MTBP: variants seen among roughly 807,000 people sequenced by gnomAD.
MTBP encodes mdm2-binding protein.
Under a neutral mutation model 117.0 loss-of-function variants are expected in MTBP, and 101 were observed. The observed-to-expected ratio is 0.86, with a 90% CI of 0.73 to 1.02. The LOEUF (loss-of-function observed/expected upper bound fraction) is 1.02. Among genes scored for constraint, MTBP ranks in the 50% least tolerant of loss-of-function variants. The pLI, the probability that MTBP is intolerant of heterozygous loss-of-function variation, is 0.00. For missense variants in MTBP, 970 were observed against 1,030.9 expected, an observed-to-expected ratio of 0.94 and a Z score of 0.81; for synonymous variants, 350 against 351.5, an observed-to-expected ratio of 1.00 and a Z score of 0.05.
chr8:120,469,207 G>C (rs530232221), intron 10 of MTBP, among the ~76,000 whole-genome samples: 2 of 152,030 alleles, frequency 1.3e-5, no homozygotes, highest in Admixed American at 6.6e-5. Context: ...CACCATGCCT[G>C]GCTAATTTTT....
At chr8:120,489,509 G>C (rs1254332583) in intron 12 of MTBP, among the ~76,000 whole-genome samples, 4 of 152,160 alleles carry the variant, frequency 2.6e-5, no homozygotes, top group African/African-American at 9.7e-5. Context: ...GCCACAGCGT[G>C]GAGAATAGGG....
chr8:120,468,005 A>G (rs1434754731), intron 10 of MTBP, among the ~76,000 whole-genome samples: 2 of 152,188 alleles, frequency 1.3e-5, no homozygotes, highest in Non-Finnish European at 2.9e-5. Context: ...GCATACTCAC[A>G]TTACAGCCTT....
rs536605522 is a variant in MTBP, at chr8:120,460,306, A to G, written c.883-855A>G. 1.9e-4 allele frequency among the ~76,000 whole-genome samples: 29 copies of G among 152,306 alleles called. No individual in the cohort carries two copies. The South Asian group carries it at 5.8e-3, about 30-fold the overall frequency. On this transcript the variant is annotated intron_variant, in intron 8 of 21. Transcript: ENST00000305949. ...GTGTCCAAATTTTTGCTACTGTTGAAGAGAATCTTAGGGTACAACTTCTTC... is the reference window on the plus strand; with the variant it reads ...GTGTCCAAATTTTTGCTACTGTTGAGGAGAATCTTAGGGTACAACTTCTTC...
At chr8:120,500,533 G>A (rs779450927) in intron 14 of MTBP, among the ~76,000 whole-genome samples, 9 of 152,188 alleles carry the variant, frequency 5.9e-5, no homozygotes, top group East Asian at 3.9e-4. Context: ...GTGGAAAGCC[G>A]CATGAACATT....
intron 13 of MTBP, among the ~76,000 whole-genome samples, chr8:120,491,561 CA>C (rs1045302103): frequency 6.6e-6 from 1 of 152,052 alleles, no homozygotes; most frequent in African/African-American, 2.4e-5. Flanking sequence ...CTATAACCAA[CA>C]AATACATAAA....
At chr8:120,450,904 A>G in intron 2 of MTBP, 99 bp from the exon 3 acceptor site, 1 of 765,420 alleles carries the variant, frequency 1.3e-6, no homozygotes, top group South Asian at 2.2e-5. Context: ...ATTATGTAAT[A>G]TGTTTCAAAA....
intron 14 of MTBP, among the ~76,000 whole-genome samples, chr8:120,502,038 T>G (rs1375290916): frequency 2.0e-5 from 3 of 152,194 alleles, no homozygotes; most frequent in Non-Finnish European, 2.9e-5. Flanking sequence ...CTATTATTAT[T>G]GTAGTTTTGA....
intron 16 of MTBP, among the ~76,000 whole-genome samples, chr8:120,508,335 T>C (rs1814731754): frequency 6.6e-6 from 1 of 151,994 alleles, no homozygotes; most frequent in Admixed American, 6.6e-5. Flanking sequence ...AACTTGTGAG[T>C]GAAATTAAAC....
chr8:120,497,933 G>T (rs1190183792), intron 14 of MTBP, among the ~76,000 whole-genome samples: 4 of 152,152 alleles, frequency 2.6e-5, no homozygotes, highest in Non-Finnish European at 5.9e-5. Context: ...AGAGGTAAAA[G>T]TCCATATGAT....
At chr8:120,480,996 A>G (rs981004838) in intron 11 of MTBP, among the ~76,000 whole-genome samples, 2 of 152,208 alleles carry the variant, frequency 1.3e-5, no homozygotes, top group Non-Finnish European at 2.9e-5. Context: ...ATATAATAAA[A>G]CAACCCAGTT....
At chr8:120,497,675 T>C in intron 14 of MTBP, 121 bp downstream of exon 14, 1 of 626,426 alleles carries the variant, frequency 1.6e-6, no homozygotes, top group Non-Finnish European at 2.7e-6. Context: ...TAAATAATAA[T>C]AGATACTTAT....
At position 120,518,769 on chromosome 8, in the gene MTBP, C is replaced by T; in HGVS notation, c.2562C>T (p.Phe854=). ...KHSITETHEC[F]TACSQRLFEI... ...GTATTACCGAGACTCATGAATGTTTCACTGCATGCAGCCAGCGTCTCTTTG... is the reference window on the plus strand; with the variant it reads ...GTATTACCGAGACTCATGAATGTTTTACTGCATGCAGCCAGCGTCTCTTTG... The change falls in exon 20 of 22, where the codon TTC becomes TTT. Residue 854 remains phenylalanine (F), a synonymous_variant. Coordinates refer to ENST00000305949, the MANE Select transcript of MTBP (RefSeq NM_022045.5). The T allele has an allele frequency of 6.2e-7, 1 of 1,612,038 alleles. No individual in the cohort carries two copies. Among genetic ancestry groups the T allele is most frequent in the Non-Finnish European group, 8.5e-7 (1 of 1,178,700 alleles).
intron 9 of MTBP, 97 bp from the exon 10 acceptor site, chr8:120,463,595 T>G (rs1813625371): frequency 1.0e-6 from 1 of 989,270 alleles, no homozygotes; most frequent in Admixed American, 2.3e-5. Flanking sequence ...TAGATGAATT[T>G]AAGCAACTGT....
At chr8:120,512,293 C>T (rs1254264367) in intron 17 of MTBP, among the ~76,000 whole-genome samples, 1 of 152,146 alleles carries the variant, frequency 6.6e-6, no homozygotes, top group African/African-American at 2.4e-5. Context: ...CCTATAAACA[C>T]ACTGAAGCAC....
At chr8:120,452,540 G>C (rs1394220006) in intron 4 of MTBP, 1 of 152,150 alleles carries the variant, frequency 6.6e-6, no homozygotes, top group Admixed American at 6.6e-5. Flanking sequence ...CACTGTTAAA[G>C]ACAAGTATAG....
At position 120,502,473 on chromosome 8, in the gene MTBP, T is replaced by C; in HGVS notation, c.1610-19T>C. The C allele has an allele frequency of 6.8e-7, 1 of 1,478,920 alleles. No homozygotes were observed. Among genetic ancestry groups the C allele is most frequent in the Non-Finnish European group, 9.3e-7 (1 of 1,079,260 alleles). The allele number at this position is 1,478,920 out of a possible 1,614,324, so 91.6% of individuals were successfully genotyped here. On this transcript the variant is annotated intron_variant, in intron 14 of 21. Coordinates refer to ENST00000305949, the MANE Select transcript of MTBP (RefSeq NM_022045.5). Reference sequence around the variant, plus strand: ...TATGATAATACTTTTCAGACTTATGTGTATTTCTTTCACTTTAGATTTTAG... The same window carrying C: ...TATGATAATACTTTTCAGACTTATGCGTATTTCTTTCACTTTAGATTTTAG...
intron 11 of MTBP, 103 bp downstream of exon 11, chr8:120,471,040 A>G: frequency 5.2e-6 from 4 of 774,090 alleles, no homozygotes; most frequent in South Asian, 1.9e-5. Context: ...ACAGGATTTC[A>G]TATTATTGCT....
intron 11 of MTBP, among the ~76,000 whole-genome samples, chr8:120,480,713 A>G (rs1814063277): frequency 6.6e-6 from 1 of 151,590 alleles, no homozygotes. Flanking sequence ...ATGTATTTAG[A>G]CTTTTACTTT....
chr8:120,480,896 A>C (rs1814069067), intron 11 of MTBP, among the ~76,000 whole-genome samples: 1 of 152,198 alleles, frequency 6.6e-6, no homozygotes, highest in Non-Finnish European at 1.5e-5. Context: ...ACTATTAAGA[A>C]CATTTAAAAA....
Sources: allele counts gnomAD v4.1 joint callset (sites outside exome capture counted in the v4.1 genomes callset), GRCh38; gene constraint gnomAD v4.1.1; transcripts MANE v1.5; gene names NCBI Gene and HGNC (gene_info 2026-07-23, HGNC 2026-07-21).